The following FEM1B variants were observed in gnomAD, a reference collection of about 807,000 sequenced individuals.
FEM1B encodes the protein fem-1 homolog B, also known as protein fem-1 homolog B.
In FEM1B, 10 loss-of-function variants were observed where a neutral mutation model predicts 38.6. The observed-to-expected ratio is 0.26, with a 90% CI of 0.16 to 0.44. FEM1B has a LOEUF of 0.44. FEM1B is among the 20% of genes least tolerant of loss of function. The pLI is 1.00. For missense variants in FEM1B, 471 were observed against 786.7 expected, an observed-to-expected ratio of 0.60 and a Z score of 4.80; for synonymous variants, 288 against 288.0, an observed-to-expected ratio of 1.00 and a Z score of 0.00.
At chr15:68,286,474 TCA>T (rs58268546) in intron 1 of FEM1B, among the ~76,000 whole-genome samples, 43,875 of 149,178 alleles carry the variant, frequency 0.29, 6,683 homozygotes, top group Non-Finnish European at 0.34. Flanking sequence ...CCTCTTGGAC[TCA>T]CACACACACA....
Position 68,290,111 on chromosome 15 carries a change from A to C in FEM1B, c.753A>C (p.Glu251Asp). 1 of 1,614,194 alleles carries C rather than the reference A, an allele frequency of 6.2e-7. No individual in the cohort carries two copies. The change falls in exon 2 of 2, where the codon GAA becomes GAC. Residue 251 changes from glutamate to aspartate, a missense_variant. Around this residue, in one of 3 missense-constraint regions of FEM1B, gnomAD observed 380 missense variants for 599.6 expected, o/e 0.63. Coordinates refer to ENST00000306917, the MANE Select transcript of FEM1B (RefSeq NM_015322.5). This position sits in a 1 kb window ranked among gnomAD's most constrained non-coding sequence, Gnocchi z 9.7. ...HADCDRRSRI[E>D]ALELLGASFA... ...ATTGCGACCGAAGAAGTCGGATTGAAGCTTTGGAACTCTTGGGTGCCTCCT... is the reference window on the plus strand; with the variant it reads ...ATTGCGACCGAAGAAGTCGGATTGACGCTTTGGAACTCTTGGGTGCCTCCT...
Position 68,295,182 on chromosome 15 carries a change from G to A in FEM1B, c.*3940G>A, listed in dbSNP as rs1294038561. 6.6e-6 allele frequency: 1 copy of A among 152,108 alleles called. No homozygotes were observed. Among genetic ancestry groups the A allele is most frequent in the African/African-American group, 2.4e-5 (1 of 41,422 alleles). 9.4% of individuals were successfully genotyped at this position (152,108 alleles called of 1,614,324 possible). On this transcript the variant is annotated 3_prime_UTR_variant, in exon 2 of 2. Coordinates refer to ENST00000306917, the MANE Select transcript of FEM1B (RefSeq NM_015322.5). The stretch of plus-strand genomic sequence containing the variant: ...TGTGTTAATGTGTAGGGAAGAGACA[G>A]TGACTTGATGGTTATGGGGAGTGTA...
chr15:68,278,203 G>T lies in FEM1B; in HGVS notation c.-215G>T. ...GCCCTGACCGCCTTCCTCCCTGCGC[G>T]GGCTGGGTCGCGGACGTGCCCTTCG... On this transcript the variant is annotated 5_prime_UTR_variant, in exon 1 of 2. Coordinates refer to ENST00000306917, the MANE Select transcript of FEM1B (RefSeq NM_015322.5). The surrounding 1 kb of genome is among the most constrained non-coding windows in gnomAD (Gnocchi z 5.7). The T allele has an allele frequency of 1.7e-6, 1 of 594,932 alleles. No homozygotes were observed. The highest frequency in any genetic ancestry group is 2.8e-6 in the Non-Finnish European group (1 of 360,282). The allele number at this position is 594,932 out of a possible 1,614,324, so 36.9% of individuals were successfully genotyped here. A position where few individuals can be genotyped will look rare whatever the true frequency, so the allele number is the denominator to read the frequency against.
At chr15:68,283,712 A>C (rs1892753317) in intron 1 of FEM1B, among the ~76,000 whole-genome samples, 1 of 151,984 alleles carries the variant, frequency 6.6e-6, no homozygotes. Context: ...GAAACATTGT[A>C]ACTATGTAAT....
chr15:68,285,093 C>A (rs535573040), intron 1 of FEM1B, among the ~76,000 whole-genome samples: 1 of 152,178 alleles, frequency 6.6e-6, no homozygotes, highest in Non-Finnish European at 1.5e-5. Flanking sequence ...TTTGCCTGTA[C>A]TTGAACTTCC....
intron 1 of FEM1B, among the ~76,000 whole-genome samples, chr15:68,279,225 A>G (rs891179475): frequency 1.3e-5 from 2 of 152,186 alleles, no homozygotes; most frequent in African/African-American, 4.8e-5. Flanking sequence ...TCAAGACATG[A>G]TTCTGATTCC....
rs140169831 is a variant in FEM1B at position 68,290,486 on chromosome 15, A to C, written c.1128A>C (p.Lys376Asn). Residue 376 changes from lysine to asparagine, a missense_variant, in exon 2 of 2, where the codon AAA (lysine) becomes AAC (asparagine). Lys to Asn is a moderately conservative substitution (Grantham distance 94, BLOSUM62 0). Transcript: ENST00000306917. This position sits in a 1 kb window ranked among gnomAD's most constrained non-coding sequence, Gnocchi z 9.7. ...LWLHALHLRQ[K>N]GNRNTHKDLL... ...TTCATGCCCTGCACCTCAGACAAAAAGGTAACAGGAACACCCACAAGGATC... is the reference window on the plus strand; with the variant it reads ...TTCATGCCCTGCACCTCAGACAAAACGGTAACAGGAACACCCACAAGGATC... 4 of 1,614,188 alleles carry C rather than the reference A, an allele frequency of 2.5e-6. No individual in the cohort carries two copies. The highest frequency in any genetic ancestry group is 3.3e-5 in the Admixed American group (2 of 60,032).
At chr15:68,283,261 A>G (rs1306427099) in intron 1 of FEM1B, among the ~76,000 whole-genome samples, 2 of 152,006 alleles carry the variant, frequency 1.3e-5, no homozygotes, top group Non-Finnish European at 2.9e-5. Flanking sequence ...TGCTTTTCCT[A>G]TAGGTTTATT....
At position 68,289,349 on chromosome 15, in the gene FEM1B, C is replaced by T. The variant is rs1379827353; in HGVS notation, c.249-258C>T. On this transcript the variant is annotated intron_variant, in intron 1 of 1. Transcript: ENST00000306917. This position sits in a 1 kb window ranked among gnomAD's most constrained non-coding sequence, Gnocchi z 6.9. Reference sequence around the variant, plus strand: ...TCTTTACTTTTGCTAGTAGAAAGTTCGTGATTTTTCAGGTTTGTTTTTTAG... The same window carrying T: ...TCTTTACTTTTGCTAGTAGAAAGTTTGTGATTTTTCAGGTTTGTTTTTTAG... 8 of 386,928 alleles carry T rather than the reference C, an allele frequency of 2.1e-5. No individual in the cohort carries two copies. Among genetic ancestry groups the T allele is most frequent in the South Asian group, 1.5e-4 (3 of 20,276 alleles). 24.0% of individuals were successfully genotyped at this position (386,928 alleles called of 1,614,324 possible). A position where few individuals can be genotyped will look rare whatever the true frequency, so the allele number is the denominator to read the frequency against.
chr15:68,278,867 GC>G lies in FEM1B; in HGVS notation c.248+206del, dbSNP rs1203872565. On this transcript the variant is annotated intron_variant, in intron 1 of 1. Transcript: ENST00000306917. This position sits in a 1 kb window ranked among gnomAD's most constrained non-coding sequence, Gnocchi z 5.7. Reference sequence around the variant, plus strand: ...CATGTTTTGCTGCCCGTCCTCATCAGCCCCTACCCCTCATTCCCTCTGTGGG... The same window carrying G: ...CATGTTTTGCTGCCCGTCCTCATCAGCCCTACCCCTCATTCCCTCTGTGGG... 6.6e-6 allele frequency among the ~76,000 whole-genome samples: 1 copy of G among 151,960 alleles called. No individual in the cohort carries two copies. Among genetic ancestry groups the G allele is most frequent in the Non-Finnish European group, 1.5e-5 (1 of 67,998 alleles).
intron 1 of FEM1B, among the ~76,000 whole-genome samples, chr15:68,285,937 T>C (rs2140243992): frequency 6.6e-6 from 1 of 152,042 alleles, no homozygotes; most frequent in African/African-American, 2.4e-5. Flanking sequence ...CTTTTTTTTT[T>C]TTTTGGTATT....
At chr15:68,286,181 A>G (rs534824801) in intron 1 of FEM1B, among the ~76,000 whole-genome samples, 17 of 151,302 alleles carry the variant, frequency 1.1e-4, no homozygotes, top group African/African-American at 3.9e-4. Context: ...TTTGTCAGAA[A>G]TCAAGGGATT....
At position 68,284,237 on chromosome 15, in the gene FEM1B, T is replaced by C. The variant is rs1248921323; in HGVS notation, c.249-5370T>C. ...TGCATAATAGTTAATATTATAACTATAATATAATAGTATAATAGGGCATAA... is the reference window on the plus strand; with the variant it reads ...TGCATAATAGTTAATATTATAACTACAATATAATAGTATAATAGGGCATAA... On this transcript the variant is annotated intron_variant, in intron 1 of 1. Transcript: ENST00000306917. This position sits in a 1 kb window ranked among gnomAD's most constrained non-coding sequence, Gnocchi z 4.4. 6.6e-6 allele frequency among the ~76,000 whole-genome samples: 1 copy of C among 152,078 alleles called. No homozygotes were observed. Among genetic ancestry groups the C allele is most frequent in the South Asian group, 2.1e-4 (1 of 4,826 alleles).
Position 68,289,825 on chromosome 15 carries a change from C to T in FEM1B, c.467C>T (p.Thr156Ile). The stretch of plus-strand genomic sequence containing the variant: ...AGCATTGCCAACAAATATGACAACA[C>T]CTGCCTAATGATTGCGGCATATAAG... ...NISIANKYDN[T>I]CLMIAAYKGH... The change falls in exon 2 of 2, where the codon ACC (threonine) becomes ATC (isoleucine). Residue 156 changes from threonine to isoleucine, a missense_variant. Physicochemically the swap from Thr to Ile is moderately conservative, Grantham distance 89. This residue lies in a region of FEM1B where 380 missense variants were observed against 599.6 expected (regional missense o/e 0.63). Coordinates refer to ENST00000306917, the MANE Select transcript of FEM1B (RefSeq NM_015322.5). This position sits in a 1 kb window ranked among gnomAD's most constrained non-coding sequence, Gnocchi z 6.9. The T allele has an allele frequency of 1.9e-6, 3 of 1,614,032 alleles. No homozygotes were observed. Among genetic ancestry groups the T allele is most frequent in the Non-Finnish European group, 2.5e-6 (3 of 1,179,900 alleles).
At position 68,289,236 on chromosome 15, in the gene FEM1B, A is replaced by T; in HGVS notation, c.249-371A>T. On this transcript the variant is annotated intron_variant, in intron 1 of 1. Transcript: ENST00000306917. The surrounding 1 kb of genome is among the most constrained non-coding windows in gnomAD (Gnocchi z 6.9). ...TGCTACCTGGAGGCTACTGGGAAGG[A>T]GGAACATGCTGTTCTCCTAGTAACC... 5.3e-6 allele frequency: 1 copy of T among 188,358 alleles called. No homozygotes were observed. The highest frequency in any genetic ancestry group is 1.1e-4 in the South Asian group (1 of 8,962). The allele number at this position is 188,358 out of a possible 1,614,324, so 11.7% of individuals were successfully genotyped here. A position where few individuals can be genotyped will look rare whatever the true frequency, so the allele number is the denominator to read the frequency against.
rs1233197505 is a variant in FEM1B at position 68,293,599 on chromosome 15, ATTTT to A, written c.*2360_*2363del. The A allele has an allele frequency of 6.7e-6, 1 of 149,926 alleles. No homozygotes were observed. The highest frequency in any genetic ancestry group is 1.5e-5 in the Non-Finnish European group (1 of 68,008). The allele number at this position is 149,926 out of a possible 1,614,324, so 9.3% of individuals were successfully genotyped here. ...TATGAACTATGCTAATGGTAATTAG[ATTTT>A]TTGTTTGTTTAGTATAGTGGTAAAT... On this transcript the variant is annotated 3_prime_UTR_variant, in exon 2 of 2. Coordinates refer to ENST00000306917, the MANE Select transcript of FEM1B (RefSeq NM_015322.5). The surrounding 1 kb of genome is among the most constrained non-coding windows in gnomAD (Gnocchi z 5.8).
rs1262624939 is a variant in FEM1B at position 68,278,693 on chromosome 15, C to A, written c.248+28C>A. On this transcript the variant is annotated intron_variant, in intron 1 of 1. Coordinates refer to ENST00000306917, the MANE Select transcript of FEM1B (RefSeq NM_015322.5). This position sits in a 1 kb window ranked among gnomAD's most constrained non-coding sequence, Gnocchi z 5.7. ...AGGTACATCCCAAGCCAGCCTCTCT[C>A]CGACGCGCGCGGACTCGTTAATTCA... 1.2e-6 allele frequency: 2 copies of A among 1,610,620 alleles called. No individual in the cohort carries two copies. Among genetic ancestry groups the A allele is most frequent in the East Asian group, 4.5e-5 (2 of 44,784 alleles).
rs188742753 is a variant in FEM1B at position 68,281,252 on chromosome 15, G to T, written c.248+2587G>T. ...ATATAGGGATTAACAGCTGTGTGCT[G>T]AAGTAGATTAGTGTTTCTAATTTTT... On this transcript the variant is annotated intron_variant, in intron 1 of 1. Coordinates refer to ENST00000306917, the MANE Select transcript of FEM1B (RefSeq NM_015322.5). This position sits in a 1 kb window ranked among gnomAD's most constrained non-coding sequence, Gnocchi z 5.1. 6.0e-4 allele frequency among the ~76,000 whole-genome samples: 92 copies of T among 152,360 alleles called. No homozygotes were observed. Among genetic ancestry groups the T allele is most frequent in the African/African-American group, 2.1e-3 (88 of 41,586 alleles).
Position 68,290,674 on chromosome 15 carries a change from A to C in FEM1B, c.1316A>C (p.Asn439Thr). ...SDADVHNAMDNYECNLYTFLY... is the reference protein window; with the variant it reads ...SDADVHNAMDTYECNLYTFLY... ...GCTGATGTCCACAATGCTATGGACA[A>C]TTATGAATGTAATCTCTATACCTTT... is the stretch of plus-strand genomic sequence containing the variant. The change falls in exon 2 of 2, where the codon AAT becomes ACT. Residue 439 changes from asparagine (N) to threonine (T), a missense_variant. Asn to Thr is a moderately conservative substitution (Grantham distance 65). Coordinates refer to ENST00000306917, the MANE Select transcript of FEM1B (RefSeq NM_015322.5). The surrounding 1 kb of genome is among the most constrained non-coding windows in gnomAD (Gnocchi z 9.7). 1 of 1,613,412 alleles carries C rather than the reference A, an allele frequency of 6.2e-7. No homozygotes were observed. Among genetic ancestry groups the C allele is most frequent in the South Asian group, 1.1e-5 (1 of 91,070 alleles).
Sources: allele counts gnomAD v4.1 joint callset (sites outside exome capture counted in the v4.1 genomes callset), GRCh38; gene constraint gnomAD v4.1.1; regional missense constraint gnomAD v4.1.1; non-coding constraint Gnocchi (gnomAD v3.1); transcripts MANE v1.5; gene names NCBI Gene and HGNC (gene_info 2026-07-23, HGNC 2026-07-21).